Variants in STK33 observed in about 807,000 individuals in gnomAD.
The protein encoded by STK33 is serine/threonine-protein kinase 33.
In STK33, 52 loss-of-function variants were observed where a neutral mutation model predicts 58.0. That is an observed-to-expected ratio of 0.90 (90% CI 0.72 to 1.13). STK33 has a LOEUF of 1.13. Ranked by LOEUF, STK33 falls within the 50% of genes most tolerant of loss-of-function variation. The pLI is 0.00. For synonymous variants in STK33, 215 were observed against 200.1 expected, an observed-to-expected ratio of 1.07 and a Z score of -0.63; for missense variants, 630 against 604.2, an observed-to-expected ratio of 1.04 and a Z score of -0.45.
intron 1 of STK33, among the ~76,000 whole-genome samples, chr11:8,550,712 C>T (rs531675850): frequency 8.0e-4 from 122 of 152,300 alleles, no homozygotes; most frequent in African/African-American, 2.8e-3. Flanking sequence ...TCCTCATTTC[C>T]ATCTGAGACC....
At chr11:8,449,864 G>A (rs968751863) in intron 11 of STK33, among the ~76,000 whole-genome samples, 10 of 152,120 alleles carry the variant, frequency 6.6e-5, no homozygotes, top group East Asian at 1.9e-4. Context: ...ACCATTTCAC[G>A]TCAGTGAGAA....
chr11:8,353,000 G>A, the STK33 span, among the ~76,000 whole-genome samples: 18 of 152,280 alleles, frequency 1.2e-4, no homozygotes, highest in South Asian at 1.9e-3. Flanking sequence ...CCCTGGCCCC[G>A]CGTGCTGCTA....
rs558860830 is a variant in STK33 at position 8,540,556 on chromosome 11, C to T, written c.-466+53527G>A. ...CGCATATACACACAGGAATATTATT[C>T]AACCTTAAAAAGGAAGTAGATCCTG... On this transcript the variant is annotated intron_variant, in intron 1 of 15. Coordinates refer to ENST00000687296, the MANE Select transcript of STK33 (RefSeq NM_001352389.2). Among the ~76,000 whole-genome samples, 4 of 152,190 alleles carry T rather than the reference C, an allele frequency of 2.6e-5. No homozygotes were observed. The East Asian group carries it at 7.7e-4, about 29-fold the overall frequency.
intron 1 of STK33, among the ~76,000 whole-genome samples, chr11:8,576,667 G>A (rs10769916): frequency 0.54 from 81,677 of 151,980 alleles, 22,110 homozygotes; most frequent in South Asian, 0.65. Context: ...CTTAATTCTT[G>A]TAACAACTCC....
At chr11:8,523,799 G>A (rs1275940682) in intron 1 of STK33, among the ~76,000 whole-genome samples, 2 of 152,184 alleles carry the variant, frequency 1.3e-5, no homozygotes, top group African/African-American at 4.8e-5. Context: ...CTGCCCGGCC[G>A]CCACCCTGTC....
At chr11:8,396,379 T>A (rs1187201644) in intron 15 of STK33, among the ~76,000 whole-genome samples, 1 of 152,220 alleles carries the variant, frequency 6.6e-6, no homozygotes, top group African/African-American at 2.4e-5. Context: ...AAATACTGTA[T>A]GTGTATGGGT....
At chr11:8,378,883 A>G in the STK33 span, among the ~76,000 whole-genome samples, 1 of 152,332 alleles carries the variant, frequency 6.6e-6, no homozygotes, top group South Asian at 2.1e-4. Context: ...ACATTACCAG[A>G]CTTCAAATTA....
intron 1 of STK33, among the ~76,000 whole-genome samples, chr11:8,587,551 A>C (rs555607842): frequency 3.3e-5 from 5 of 150,696 alleles, no homozygotes; most frequent in Admixed American, 2.6e-4. Context: ...GCTCAACTGG[A>C]TCACAATTCC....
intron 11 of STK33, among the ~76,000 whole-genome samples, chr11:8,442,112 T>C (rs1381844300): frequency 1.3e-5 from 2 of 152,042 alleles, no homozygotes; most frequent in Non-Finnish European, 1.5e-5. Flanking sequence ...TTCCTCCTTT[T>C]TCCTCTGCCT....
chr11:8,464,991 T>C (rs910694549), intron 6 of STK33, 169 bp from the exon 7 acceptor site: 2 of 421,158 alleles, frequency 4.7e-6, no homozygotes, highest in African/African-American at 4.0e-5. Context: ...CACATCTTAA[T>C]TAACCAAAAT....
At chr11:8,399,645 C>G (rs1284245791) in intron 15 of STK33, among the ~76,000 whole-genome samples, 2 of 151,776 alleles carry the variant, frequency 1.3e-5, no homozygotes, top group African/African-American at 4.8e-5. Flanking sequence ...AAAAGATACA[C>G]AAAAAAACCC....
At chr11:8,420,132 A>G (rs529182695) in intron 14 of STK33, among the ~76,000 whole-genome samples, 2 of 152,236 alleles carry the variant, frequency 1.3e-5, no homozygotes, top group East Asian at 3.9e-4. Flanking sequence ...TTACCTTTAC[A>G]TGACTAATAA....
chr11:8,423,055 T>C (rs533358598), intron 14 of STK33, among the ~76,000 whole-genome samples: 4 of 151,616 alleles, frequency 2.6e-5, no homozygotes, highest in African/African-American at 9.6e-5. Flanking sequence ...TTGTCCAGGC[T>C]TGTCTCAAAC....
In STK33 at chr11:8,467,267, T is replaced by G. The variant is rs891448713; in HGVS notation, c.340-2445A>C. ...TGTCAGGCTGCAAATTTTCCAAATT[T>G]TTATGCTCTGCTTCCCTTATAAAAC... On this transcript the variant is annotated intron_variant, in intron 6 of 15. Coordinates refer to ENST00000687296, the MANE Select transcript of STK33 (RefSeq NM_001352389.2). 19 of 152,206 alleles carry G rather than the reference T, an allele frequency of 1.2e-4. 1 individual carries two copies. The highest frequency in any genetic ancestry group is 4.3e-4 in the African/African-American group (18 of 41,458). The allele number at this position is 152,206 out of a possible 1,614,324, so 9.4% of individuals were successfully genotyped here.
intron 1 of STK33, among the ~76,000 whole-genome samples, chr11:8,550,440 C>T (rs1956229527): frequency 6.6e-6 from 1 of 152,100 alleles, no homozygotes; most frequent in African/African-American, 2.4e-5. Flanking sequence ...CCACCACACT[C>T]AACCGGGATT....
At chr11:8,575,556 GAGAC>G (rs1337986855) in intron 1 of STK33, among the ~76,000 whole-genome samples, 9 of 152,264 alleles carry the variant, frequency 5.9e-5, no homozygotes, top group African/African-American at 9.6e-5. Context: ...CAAATTCGTG[GAGAC>G]AGACAGTAGA....
At position 8,503,816 on chromosome 11, in the gene STK33, T is replaced by C. The variant is rs576613498; in HGVS notation, c.-465-23202A>G. Among the ~76,000 whole-genome samples, 11 of 152,294 alleles carry C rather than the reference T, an allele frequency of 7.2e-5. No individual in the cohort carries two copies. The South Asian group carries it at 2.3e-3, about 32-fold the overall frequency. ...TGATGATTTAGCCCACTAGGTCTCA[T>C]TCTTTTTATCTGACTTGTCACCAAT... On this transcript the variant is annotated intron_variant, in intron 1 of 15. Transcript: ENST00000687296.
intron 1 of STK33, among the ~76,000 whole-genome samples, chr11:8,497,727 A>C (rs933047718): frequency 1.3e-5 from 2 of 152,152 alleles, no homozygotes; most frequent in Non-Finnish European, 1.5e-5. Context: ...CTCCCAAAGT[A>C]CTGGGATTAC....
chr11:8,355,494 C>G, the STK33 span, among the ~76,000 whole-genome samples: 1 of 152,252 alleles, frequency 6.6e-6, no homozygotes, highest in East Asian at 1.9e-4. Context: ...TGGGTGAGAC[C>G]TGGAGGAATG....
Sources: gnomAD v4.1 joint callset for allele counts (sites outside exome capture counted in the v4.1 genomes callset) on GRCh38, gnomAD v4.1.1 for gene constraint, MANE v1.5 for transcripts, NCBI Gene and HGNC (gene_info 2026-07-23, HGNC 2026-07-21) for gene names.